PRKG1: variants seen among roughly 807,000 people sequenced by gnomAD.
PRKG1 encodes the protein cGMP-dependent protein kinase 1.
Under a neutral mutation model 88.1 loss-of-function variants are expected in PRKG1, and 35 were observed. That is an observed-to-expected ratio of 0.40 (90% CI 0.30 to 0.53). The LOEUF is 0.53. PRKG1 is among the 20% of genes least tolerant of loss of function. The pLI, the probability that PRKG1 is intolerant of heterozygous loss-of-function variation, is 0.59. For synonymous variants in PRKG1, 303 were observed against 292.5 expected (o/e 1.04, Z -0.37); for missense variants, 540 against 839.8 (o/e 0.64, Z 4.41).
chr10:51,456,962 A>C (rs1255392916), intron 2 of PRKG1, among the ~76,000 whole-genome samples: 1 of 152,194 alleles, frequency 6.6e-6, no homozygotes, highest in African/African-American at 2.4e-5. Context: ...ATGTGGTGAA[A>C]AGGCAACACT....
chr10:51,191,243 T>A (rs1338569478), intron 2 of PRKG1, among the ~76,000 whole-genome samples: 1 of 151,834 alleles, frequency 6.6e-6, no homozygotes, highest in Non-Finnish European at 1.5e-5. Context: ...AGAACCACAT[T>A]GGGTATTGTT....
chr10:51,570,088 T>G (rs530333802), intron 3 of PRKG1, among the ~76,000 whole-genome samples: 1 of 149,774 alleles, frequency 6.7e-6, no homozygotes, highest in African/African-American at 2.5e-5. Context: ...TGTTTATATA[T>G]GTATATATAT....
At chr10:51,435,520 T>A (rs80173990) in intron 2 of PRKG1, among the ~76,000 whole-genome samples, 6,557 of 151,816 alleles carry the variant, frequency 0.043, 162 homozygotes, top group African/African-American at 0.065. Context: ...ATTTTTCACT[T>A]CTTGCCCCAT....
intron 3 of PRKG1, among the ~76,000 whole-genome samples, chr10:51,571,140 C>A (rs566396331): frequency 4.3e-4 from 66 of 152,018 alleles, no homozygotes; most frequent in African/African-American, 1.5e-3. Context: ...AGATAATAAA[C>A]CCTTAAGTAA....
intron 4 of PRKG1, among the ~76,000 whole-genome samples, chr10:51,833,136 C>A (rs934745085): frequency 6.6e-6 from 1 of 152,114 alleles, no homozygotes; most frequent in Non-Finnish European, 1.5e-5. Context: ...CAAATCTGCC[C>A]ACACAGGAGG....
chr10:52,052,306 G>A (rs977132346), intron 5 of PRKG1, among the ~76,000 whole-genome samples: 1 of 152,022 alleles, frequency 6.6e-6, no homozygotes, highest in African/African-American at 2.4e-5. Context: ...AAGGCACACT[G>A]GTTCATGCCT....
intron 2 of PRKG1, among the ~76,000 whole-genome samples, chr10:51,381,295 A>AG (rs1837093978): frequency 3.6e-5 from 5 of 140,090 alleles, no homozygotes; most frequent in African/African-American, 1.3e-4. Context: ...AAAAAAAAAA[A>AG]AAAAAGGAAA....
At chr10:51,678,869 G>A (rs972592729) in intron 3 of PRKG1, among the ~76,000 whole-genome samples, 2 of 152,174 alleles carry the variant, frequency 1.3e-5, no homozygotes, top group African/African-American at 4.8e-5. Context: ...GCTTCAGGGT[G>A]AACATCAGTT....
intron 3 of PRKG1, among the ~76,000 whole-genome samples, chr10:51,630,500 G>A (rs750760864): frequency 2.0e-5 from 3 of 152,112 alleles, no homozygotes; most frequent in Non-Finnish European, 4.4e-5. Flanking sequence ...CAGATTTCCC[G>A]ATAGACTTGA....
chr10:51,481,154 G>A (rs1351617119), intron 3 of PRKG1, among the ~76,000 whole-genome samples: 1 of 151,948 alleles, frequency 6.6e-6, no homozygotes, highest in Non-Finnish European at 1.5e-5. Flanking sequence ...TCTTTAGCAT[G>A]AGGCTATTTT....
chr10:51,731,049 G>T (rs939541900), intron 3 of PRKG1, among the ~76,000 whole-genome samples: 3 of 151,952 alleles, frequency 2.0e-5, no homozygotes, highest in Non-Finnish European at 2.9e-5. Flanking sequence ...CCAGCTACTC[G>T]GGAGGCTGAG....
At chr10:51,440,325 G>A (rs1250506076) in intron 2 of PRKG1, among the ~76,000 whole-genome samples, 1 of 151,832 alleles carries the variant, frequency 6.6e-6, no homozygotes, top group Non-Finnish European at 1.5e-5. Flanking sequence ...TTGTGCAGAA[G>A]AGATGCACAT....
intron 5 of PRKG1, among the ~76,000 whole-genome samples, chr10:52,027,743 A>G (rs1003166662): frequency 6.6e-6 from 1 of 152,162 alleles, no homozygotes; most frequent in East Asian, 1.9e-4. Flanking sequence ...GATTAACTAA[A>G]TTGGAACTTT....
At chr10:51,830,571 T>G (rs978267753) in intron 4 of PRKG1, among the ~76,000 whole-genome samples, 3 of 133,914 alleles carry the variant, frequency 2.2e-5, no homozygotes, top group African/African-American at 3.2e-5. Flanking sequence ...TTTTTTTTTT[T>G]TTTTTTTTGA....
chr10:51,948,545 TGTGCGTG>T lies in PRKG1; in HGVS notation c.762+40976_762+40982del, dbSNP rs932937044. ...GTCTCTGTGTGTGTGTGTGTGTGTG[TGTGCGTG>T]TGTGTGTGTGTAATTTGATAAGTAA... On this transcript the variant is annotated intron_variant, in intron 5 of 17. Coordinates refer to ENST00000373980, the MANE Select transcript of PRKG1 (RefSeq NM_006258.4). Among the ~76,000 whole-genome samples the T allele has an allele frequency of 1.8e-4, 10 of 54,674 alleles. No individual in the cohort carries two copies. In the Admixed American group the frequency reaches 1.9e-3, roughly 11 times the overall value. 35.9% of individuals were successfully genotyped at this position (54,674 alleles called of 152,430 possible). A position where few individuals can be genotyped will look rare whatever the true frequency, so the allele number is the denominator to read the frequency against.
intron 9 of PRKG1, among the ~76,000 whole-genome samples, chr10:52,228,099 G>C (rs1321835939): frequency 6.6e-6 from 1 of 152,112 alleles, no homozygotes; most frequent in Non-Finnish European, 1.5e-5. Context: ...TAAATTTGAA[G>C]GTCGAGTGTG....
chr10:52,063,614 C>T (rs752702272), intron 7 of PRKG1, among the ~76,000 whole-genome samples: 1 of 152,230 alleles, frequency 6.6e-6, no homozygotes, highest in Admixed American at 6.5e-5. Flanking sequence ...GGTACGCAGA[C>T]AAGTGGAGGT....
chr10:51,651,281 C>T (rs151173335), intron 3 of PRKG1, among the ~76,000 whole-genome samples: 114 of 152,224 alleles, frequency 7.5e-4, no homozygotes, highest in African/African-American at 2.7e-3. Context: ...TTCCACTAGT[C>T]CTTTCAATTC....
intron 3 of PRKG1, among the ~76,000 whole-genome samples, chr10:51,479,672 G>C (rs759100829): frequency 3.3e-5 from 5 of 151,892 alleles, no homozygotes; most frequent in Non-Finnish European, 5.9e-5. Flanking sequence ...ACTTGAACTA[G>C]AATATTTATA....
Sources: gnomAD v4.1 joint callset for allele counts (sites outside exome capture counted in the v4.1 genomes callset) on GRCh38, gnomAD v4.1.1 for gene constraint, MANE v1.5 for transcripts, NCBI Gene and HGNC (gene_info 2026-07-23, HGNC 2026-07-21) for gene names.